The following XRCC6 variants were observed in gnomAD, a reference collection of about 807,000 sequenced individuals.
XRCC6 encodes the protein X-ray repair cross complementing 6.
Under a neutral mutation model 65.7 loss-of-function variants are expected in XRCC6, and 5 were observed. The ratio of observed to expected loss-of-function variants is 0.08; its 90% confidence interval spans 0.04 to 0.16. The LOEUF is 0.16. Among genes scored for constraint, XRCC6 ranks in the 10% least tolerant of loss-of-function variants. The pLI is 1.00. For missense variants in XRCC6, 447 were observed against 738.1 expected (o/e 0.61, Z 4.57); for synonymous variants, 270 against 270.6 (o/e 1.00, Z 0.02).
chr22:41,642,827 T>G (rs1312953309), intron 6 of XRCC6, among the ~76,000 whole-genome samples: 4 of 152,232 alleles, frequency 2.6e-5, no homozygotes, highest in African/African-American at 4.8e-5. Flanking sequence ...TTTTCACATC[T>G]AAGAAGCCAC....
In XRCC6 at chr22:41,636,606, C is replaced by T. The variant is rs201771953; in HGVS notation, c.425C>T (p.Ser142Leu). ...ATGATGGGCCACGGATCTGACTACT[C>T]ACTCAGTGAAGTGCTGTGGGTCTGT... ...QDMMGHGSDY[S>L]LSEVLWVCAN... Residue 142 changes from serine to leucine, a missense_variant, in exon 5 of 13, where the codon TCA becomes TTA. This residue lies in a region of XRCC6 where 228 missense variants were observed against 307.4 expected (regional missense o/e 0.74). Transcript: ENST00000360079. 1.2e-6 allele frequency: 2 copies of T among 1,614,056 alleles called. No individual in the cohort carries two copies. The highest frequency in any genetic ancestry group is 4.5e-5 in the East Asian group (2 of 44,880).
At chr22:41,648,714 T>C (rs147452572) in intron 7 of XRCC6, among the ~76,000 whole-genome samples, 2 of 152,290 alleles carry the variant, frequency 1.3e-5, no homozygotes, top group East Asian at 1.9e-4. Flanking sequence ...GACTAAAATA[T>C]TATTTTGATT....
chr22:41,646,669 C>G (rs1240115882), intron 6 of XRCC6, among the ~76,000 whole-genome samples: 1 of 152,134 alleles, frequency 6.6e-6, no homozygotes, highest in Non-Finnish European at 1.5e-5. Flanking sequence ...GATACGCAAC[C>G]TGTAGTACGT....
At chr22:41,622,805 C>T (rs1037333051) in intron 2 of XRCC6, among the ~76,000 whole-genome samples, 2 of 151,778 alleles carry the variant, frequency 1.3e-5, no homozygotes, top group East Asian at 1.9e-4. Context: ...ATTAGCCGGG[C>T]GTGGTGGCGG....
chr22:41,649,438 A>G (rs1470754931), intron 7 of XRCC6, among the ~76,000 whole-genome samples: 2 of 151,636 alleles, frequency 1.3e-5, no homozygotes, highest in Non-Finnish European at 2.9e-5. Context: ...GGCCTCACAA[A>G]GTATTGGGAT....
chr22:41,663,519 G>T, intron 12 of XRCC6, 103 bp from the exon 13 acceptor site: 1 of 1,321,582 alleles, frequency 7.6e-7, no homozygotes, highest in Non-Finnish European at 1.1e-6. Flanking sequence ...ACAGCTTTAT[G>T]GTTAATTGCA....
At chr22:41,651,361 A>ATTTTTTTTTTT (rs764795746) in intron 8 of XRCC6, among the ~76,000 whole-genome samples, 6 of 49,758 alleles carry the variant, frequency 1.2e-4, no homozygotes, top group African/African-American at 1.9e-4. Context: ...AGTTAAACAG[A>ATTTTTTTTTTT]TTTTTTTTTT....
intron 3 of XRCC6, among the ~76,000 whole-genome samples, chr22:41,628,943 G>A (rs895245674): frequency 6.1e-5 from 7 of 115,542 alleles, no homozygotes; most frequent in African/African-American, 2.0e-4. Context: ...TCCAGCTTGG[G>A]CAACAGAGTG....
chr22:41,646,232 G>A (rs560226314), intron 6 of XRCC6, among the ~76,000 whole-genome samples: 51 of 152,112 alleles, frequency 3.4e-4, no homozygotes, highest in African/African-American at 1.2e-3. Flanking sequence ...GAACCCGGGA[G>A]GTGGAGGTTG....
At chr22:41,661,860 C>G (rs750246405) in intron 12 of XRCC6, among the ~76,000 whole-genome samples, 1 of 152,144 alleles carries the variant, frequency 6.6e-6, no homozygotes, top group Non-Finnish European at 1.5e-5. Flanking sequence ...CAACAGATGC[C>G]TGGTAAAGAA....
intron 3 of XRCC6, among the ~76,000 whole-genome samples, chr22:41,628,696 C>T (rs552776418): frequency 2.7e-4 from 41 of 152,096 alleles, no homozygotes; most frequent in African/African-American, 9.4e-4. Flanking sequence ...TCCAGCTGGG[C>T]GTGGTGGCTC....
intron 3 of XRCC6, among the ~76,000 whole-genome samples, chr22:41,634,985 A>G (rs1403706467): frequency 6.6e-6 from 1 of 152,164 alleles, no homozygotes; most frequent in East Asian, 1.9e-4. Context: ...GCTTACTGGT[A>G]GTTATTGACT....
intron 3 of XRCC6, among the ~76,000 whole-genome samples, chr22:41,628,965 CA>C (rs11413169): frequency 0.048 from 3,029 of 62,518 alleles, 35 homozygotes; most frequent in African/African-American, 0.18. Flanking sequence ...GACTCTGTCT[CA>C]AAAAAAAAAA....
At chr22:41,636,004 G>T in intron 3 of XRCC6, 109 bp from the exon 4 acceptor site, 1 of 932,670 alleles carries the variant, frequency 1.1e-6, no homozygotes, top group Non-Finnish European at 1.5e-6. Flanking sequence ...CCTTATTTTA[G>T]TGCCATATAC....
intron 2 of XRCC6, among the ~76,000 whole-genome samples, chr22:41,627,631 TAGAG>T (rs993033822): frequency 1.1e-5 from 1 of 87,586 alleles, no homozygotes; most frequent in Non-Finnish European, 2.5e-5. Context: ...AAAAAAAAAA[TAGAG>T]GCCTGGTGGG....
At chr22:41,636,427 A>G in intron 4 of XRCC6, 89 bp from the exon 5 acceptor site, 3 of 1,546,230 alleles carry the variant, frequency 1.9e-6, no homozygotes, top group South Asian at 2.5e-5. Context: ...TCTGGGGTGA[A>G]AAAGGGTCCT....
intron 3 of XRCC6, among the ~76,000 whole-genome samples, chr22:41,629,713 G>A (rs962478178): frequency 3.3e-5 from 5 of 151,950 alleles, no homozygotes; most frequent in African/African-American, 4.8e-5. Context: ...TCTGTCACCC[G>A]GGCTGTAGTG....
intron 8 of XRCC6, among the ~76,000 whole-genome samples, chr22:41,652,249 T>G (rs1317834660): frequency 3.8e-5 from 1 of 26,066 alleles, no homozygotes. Flanking sequence ...AGACCCTATC[T>G]TCTTTTGTGC....
At chr22:41,621,741 C>G (rs759752774) in intron 1 of XRCC6, 16 of 488,756 alleles carry the variant, frequency 3.3e-5, no homozygotes, top group Non-Finnish European at 4.8e-5. Flanking sequence ...GCGGGACCTC[C>G]GGGATCTGGC....
Sources: allele counts gnomAD v4.1 joint callset (sites outside exome capture counted in the v4.1 genomes callset), GRCh38; gene constraint gnomAD v4.1.1; regional missense constraint gnomAD v4.1.1; transcripts MANE v1.5; gene names NCBI Gene and HGNC (gene_info 2026-07-23, HGNC 2026-07-21).